The following MAP2K4 variants were observed in gnomAD, a reference collection of about 807,000 sequenced individuals.
MAP2K4 encodes mitogen-activated protein kinase kinase 4, also known as dual specificity mitogen-activated protein kinase kinase 4.
Under a neutral mutation model 48.5 loss-of-function variants are expected in MAP2K4, and 4 were observed. The observed-to-expected ratio is 0.08, with a 90% CI of 0.04 to 0.19. The LOEUF is 0.19. MAP2K4 is among the 10% of genes least tolerant of loss of function. The probability of loss-of-function intolerance (pLI) is 1.00; values close to 1 mark genes in which losing one functional copy is unlikely to be tolerated. For synonymous variants in MAP2K4, 166 were observed against 173.1 expected (o/e 0.96, Z 0.32); for missense variants, 258 against 493.3 (o/e 0.52, Z 4.52).
At chr17:12,134,965 T>A (rs909379067) in intron 9 of MAP2K4, among the ~76,000 whole-genome samples, 5 of 152,218 alleles carry the variant, frequency 3.3e-5, no homozygotes, top group African/African-American at 1.2e-4. Flanking sequence ...TGCAGTGGCA[T>A]GATTGCAGCT....
intron 1 of MAP2K4, among the ~76,000 whole-genome samples, chr17:12,026,736 A>G (rs1374822204): frequency 6.6e-6 from 1 of 152,194 alleles, no homozygotes; most frequent in African/African-American, 2.4e-5. Context: ...AGATTCAGGA[A>G]TGGAGGAGAG....
At chr17:12,033,614 A>G (rs1162847549) in intron 1 of MAP2K4, among the ~76,000 whole-genome samples, 1 of 152,202 alleles carries the variant, frequency 6.6e-6, no homozygotes, top group Non-Finnish European at 1.5e-5. Flanking sequence ...TCCTGCTCAT[A>G]GTGAACCTTT....
chr17:12,060,516 A>G (rs1202487223), intron 2 of MAP2K4, among the ~76,000 whole-genome samples: 1 of 152,214 alleles, frequency 6.6e-6, no homozygotes. Context: ...GTCCCAGGAC[A>G]TCTCTGGTGG....
At chr17:12,021,830 AT>A (rs781680235) in intron 1 of MAP2K4, among the ~76,000 whole-genome samples, 16 of 152,088 alleles carry the variant, frequency 1.1e-4, no homozygotes, top group Admixed American at 2.6e-4. Flanking sequence ...GTGTCTGGAC[AT>A]TTGAGGCAGC....
intron 4 of MAP2K4, among the ~76,000 whole-genome samples, chr17:12,104,648 C>T (rs1012838808): frequency 6.6e-6 from 1 of 151,934 alleles, no homozygotes; most frequent in Admixed American, 6.6e-5. Context: ...ATTCAGGATA[C>T]TGATCTTTTG....
At chr17:12,135,434 A>G (rs1973173929) in intron 9 of MAP2K4, among the ~76,000 whole-genome samples, 1 of 151,974 alleles carries the variant, frequency 6.6e-6, no homozygotes, top group Admixed American at 6.5e-5. Context: ...ATTTCACTGT[A>G]TTACCCTGGT....
chr17:12,037,309 A>C (rs1969632253), intron 1 of MAP2K4, among the ~76,000 whole-genome samples: 1 of 152,176 alleles, frequency 6.6e-6, no homozygotes, highest in African/African-American at 2.4e-5. Context: ...TCTTCCAAGA[A>C]ATTTGGGAAA....
At chr17:12,080,131 T>C (rs1249726985) in intron 2 of MAP2K4, among the ~76,000 whole-genome samples, 1 of 152,040 alleles carries the variant, frequency 6.6e-6, no homozygotes, top group Non-Finnish European at 1.5e-5. Context: ...ATTCTCAGAG[T>C]GGGGGTAGAT....
At chr17:12,092,722 ATTAG>A (rs1971601334) in intron 3 of MAP2K4, among the ~76,000 whole-genome samples, 7 of 152,322 alleles carry the variant, frequency 4.6e-5, no homozygotes, top group Non-Finnish European at 1.0e-4. Context: ...ACCCTAAAAC[ATTAG>A]TATAATTAAG....
At chr17:12,072,041 A>G (rs944430507) in intron 2 of MAP2K4, among the ~76,000 whole-genome samples, 2 of 152,344 alleles carry the variant, frequency 1.3e-5, no homozygotes, top group East Asian at 1.9e-4. Context: ...AGGGATTCCA[A>G]TGTAGACGCT....
chr17:12,092,854 G>A (rs1170776575), intron 3 of MAP2K4, among the ~76,000 whole-genome samples: 8 of 152,052 alleles, frequency 5.3e-5, no homozygotes, highest in Admixed American at 2.6e-4. Context: ...GTGAAACCCC[G>A]TCTCTACTAA....
intron 4 of MAP2K4, among the ~76,000 whole-genome samples, chr17:12,105,047 A>G (rs1022329051): frequency 6.6e-6 from 1 of 152,120 alleles, no homozygotes; most frequent in Non-Finnish European, 1.5e-5. Context: ...CTGTCTGTGC[A>G]TGAACTTTTG....
intron 7 of MAP2K4, among the ~76,000 whole-genome samples, chr17:12,119,683 A>G (rs188688528): frequency 1.1e-4 from 17 of 152,388 alleles, no homozygotes; most frequent in Non-Finnish European, 2.2e-4. Flanking sequence ...TCATAAAGAC[A>G]CATACACACA....
chr17:12,055,271 A>G (rs187579204), intron 2 of MAP2K4, among the ~76,000 whole-genome samples: 46 of 152,252 alleles, frequency 3.0e-4, no homozygotes, highest in Admixed American at 2.7e-3. Flanking sequence ...ATGTCATAGT[A>G]AATTGAAAGA....
chr17:12,052,701 C>T (rs537864464), intron 1 of MAP2K4, among the ~76,000 whole-genome samples: 39 of 152,270 alleles, frequency 2.6e-4, no homozygotes, highest in Non-Finnish European at 4.0e-4. Context: ...GACTACATGA[C>T]ATATGCTCAG....
At chr17:12,108,127 A>G (rs192230395) in intron 5 of MAP2K4, among the ~76,000 whole-genome samples, 431 of 152,266 alleles carry the variant, frequency 2.8e-3, no homozygotes, top group Non-Finnish European at 3.5e-3. Context: ...TTGAATCTCA[A>G]TGAGTCATAA....
intron 9 of MAP2K4, 130 bp from the exon 10 acceptor site, chr17:12,139,709 C>A: frequency 1.7e-6 from 1 of 591,330 alleles, no homozygotes; most frequent in Non-Finnish European, 3.0e-6. Flanking sequence ...GTTTAGCAGG[C>A]TGTCTGCGTT....
chr17:12,063,619 A>G (rs1035008153), intron 2 of MAP2K4, among the ~76,000 whole-genome samples: 5 of 152,182 alleles, frequency 3.3e-5, no homozygotes, highest in Admixed American at 3.3e-4. Flanking sequence ...CCACTAAAAA[A>G]TAATAAATTG....
intron 7 of MAP2K4, among the ~76,000 whole-genome samples, chr17:12,123,134 T>A (rs76524962): frequency 6.6e-6 from 1 of 152,252 alleles, no homozygotes; most frequent in African/African-American, 2.4e-5. Context: ...ATGAAATGAG[T>A]TGGGAAGCGT....
Sources: gnomAD v4.1 joint callset for allele counts (sites outside exome capture counted in the v4.1 genomes callset) on GRCh38, gnomAD v4.1.1 for gene constraint, MANE v1.5 for transcripts, NCBI Gene and HGNC (gene_info 2026-07-23, HGNC 2026-07-21) for gene names.